ADAMTS12: variants seen among roughly 807,000 people sequenced by gnomAD.
ADAMTS12 encodes the protein ADAM metallopeptidase with thrombospondin type 1 motif 12.
ADAMTS12 carries 118 observed loss-of-function variants against 167.8 expected under a neutral mutation model. The ratio of observed to expected loss-of-function variants is 0.70; its 90% confidence interval spans 0.61 to 0.82. ADAMTS12 has a LOEUF of 0.82. Among genes scored for constraint, ADAMTS12 ranks in the 40% least tolerant of loss-of-function variants. The probability of loss-of-function intolerance (pLI) is 0.00; values close to 1 mark genes in which losing one functional copy is unlikely to be tolerated. For synonymous variants in ADAMTS12, 704 were observed against 716.9 expected (o/e 0.98, Z 0.29); for missense variants, 1,916 against 1,998.8 (o/e 0.96, Z 0.79).
At chr5:33,851,320 G>A (rs950936374) in intron 2 of ADAMTS12, among the ~76,000 whole-genome samples, 1 of 152,120 alleles carries the variant, frequency 6.6e-6, no homozygotes, top group African/African-American at 2.4e-5. Context: ...GCTGAGGCAG[G>A]AGAATGGCAT....
chr5:33,687,535 T>C (rs7719969), intron 3 of ADAMTS12, among the ~76,000 whole-genome samples: 85,668 of 152,164 alleles, frequency 0.56, 25,465 homozygotes, highest in Non-Finnish European at 0.67. Context: ...TGTGACGTGA[T>C]CCTTGACTTT....
intron 3 of ADAMTS12, among the ~76,000 whole-genome samples, chr5:33,706,735 C>T (rs1450560015): frequency 2.0e-5 from 3 of 152,122 alleles, no homozygotes; most frequent in African/African-American, 4.8e-5. Flanking sequence ...CAGAAAAGGC[C>T]TTCGATAAAA....
At chr5:33,870,334 T>A (rs1043522973) in intron 2 of ADAMTS12, among the ~76,000 whole-genome samples, 1 of 152,196 alleles carries the variant, frequency 6.6e-6, no homozygotes. Flanking sequence ...GTGATAAATG[T>A]CCATGAAATC....
In ADAMTS12 at chr5:33,734,891, A is replaced by G. The variant is rs542162106; in HGVS notation, c.634+16513T>C. The stretch of plus-strand genomic sequence containing the variant: ...GGGTCTGTAACTCTTTGGCTCTCAA[A>G]TTTCTAGACCAGCACTTCTGATTCC... On this transcript the variant is annotated intron_variant, in intron 3 of 23. Transcript: ENST00000504830. 2.0e-5 allele frequency among the ~76,000 whole-genome samples: 3 copies of G among 152,296 alleles called. No homozygotes were observed. The East Asian group carries it at 5.8e-4, about 29-fold the overall frequency.
At chr5:33,619,461 T>G (rs1032138515) in intron 14 of ADAMTS12, among the ~76,000 whole-genome samples, 3 of 152,150 alleles carry the variant, frequency 2.0e-5, no homozygotes, top group Admixed American at 6.5e-5. Context: ...GATTTTTTTC[T>G]CTTCAAGGAT....
At chr5:33,669,650 A>G (rs1741598932) in intron 5 of ADAMTS12, among the ~76,000 whole-genome samples, 1 of 152,188 alleles carries the variant, frequency 6.6e-6, no homozygotes, top group Admixed American at 6.5e-5. Flanking sequence ...CAGAAGGTGT[A>G]GTATTAAAAA....
chr5:33,666,637 C>T (rs536801294), intron 5 of ADAMTS12, among the ~76,000 whole-genome samples: 2 of 152,256 alleles, frequency 1.3e-5, no homozygotes, highest in Admixed American at 6.5e-5. Context: ...AGACTACAGG[C>T]ACGCACCACC....
chr5:33,590,586 C>A (rs1172184063), intron 17 of ADAMTS12, among the ~76,000 whole-genome samples: 2 of 152,186 alleles, frequency 1.3e-5, no homozygotes, highest in African/African-American at 4.8e-5. Context: ...TCAAATGAAC[C>A]TCCAATCTTG....
At chr5:33,544,920 TA>T (rs143566905) in intron 22 of ADAMTS12, among the ~76,000 whole-genome samples, 48,113 of 151,902 alleles carry the variant, frequency 0.32, 8,979 homozygotes, top group East Asian at 0.74. Context: ...GAAGAAAACC[TA>T]GGCAATACCA....
At chr5:33,880,137 G>A (rs769763609) in intron 2 of ADAMTS12, among the ~76,000 whole-genome samples, 2 of 152,172 alleles carry the variant, frequency 1.3e-5, no homozygotes, top group East Asian at 1.9e-4. Flanking sequence ...GAGATATAGC[G>A]TATAATGATA....
intron 17 of ADAMTS12, among the ~76,000 whole-genome samples, chr5:33,591,342 C>T (rs1226016150): frequency 6.6e-6 from 1 of 152,188 alleles, no homozygotes; most frequent in African/African-American, 2.4e-5. Context: ...CAGGACACGT[C>T]ACTCTTTCTA....
Position 33,549,246 on chromosome 5 carries a change from C to T in ADAMTS12, c.4263G>A (p.Pro1421=), listed in dbSNP as rs750706971. The T allele has an allele frequency of 1.2e-6, 2 of 1,614,144 alleles. No individual in the cohort carries two copies. The highest frequency in any genetic ancestry group is 1.7e-6 in the Non-Finnish European group (2 of 1,180,016). The change falls in exon 21 of 24, where the codon CCG becomes CCA. Residue 1421 remains proline (P), a synonymous_variant. Transcript: ENST00000504830. ...IPPPLSMSCN[P]EPCEAWQVEP... ...CCACCTGCCACGCCTCACAGGGCTC[C>T]GGGTTACAGCTCATGCTCAATGGGG...
intron 3 of ADAMTS12, among the ~76,000 whole-genome samples, chr5:33,714,962 C>A (rs1743550425): frequency 1.3e-5 from 2 of 151,938 alleles, no homozygotes; most frequent in African/African-American, 4.8e-5. Flanking sequence ...GAAACGTTCC[C>A]AAAATAAAGA....
intron 21 of ADAMTS12, 106 bp from the exon 22 acceptor site, chr5:33,546,308 G>A: frequency 1.9e-6 from 2 of 1,051,050 alleles, no homozygotes; most frequent in Non-Finnish European, 2.6e-6. Context: ...GTGTTACTAG[G>A]AATATTGGTA....
intron 2 of ADAMTS12, among the ~76,000 whole-genome samples, chr5:33,815,797 C>T (rs1747631322): frequency 1.3e-5 from 2 of 152,200 alleles, no homozygotes; most frequent in African/African-American, 4.8e-5. Context: ...TCCATCTCCT[C>T]TAACTATCCA....
At chr5:33,715,292 T>C (rs1743562530) in intron 3 of ADAMTS12, among the ~76,000 whole-genome samples, 1 of 152,040 alleles carries the variant, frequency 6.6e-6, no homozygotes, top group South Asian at 2.1e-4. Context: ...GGGAAATCAG[T>C]ATGTCTCTAT....
At chr5:33,771,203 C>T (rs1486936649) in intron 2 of ADAMTS12, among the ~76,000 whole-genome samples, 1 of 152,152 alleles carries the variant, frequency 6.6e-6, no homozygotes, top group Non-Finnish European at 1.5e-5. Context: ...CAACAAATGT[C>T]TGTTTAGTGA....
At chr5:33,665,604 A>G (rs1290762998) in intron 5 of ADAMTS12, among the ~76,000 whole-genome samples, 1 of 152,214 alleles carries the variant, frequency 6.6e-6, no homozygotes, top group Non-Finnish European at 1.5e-5. Context: ...AGCAACAGCC[A>G]AGAATTACAC....
chr5:33,700,497 A>T (rs1742959585), intron 3 of ADAMTS12, among the ~76,000 whole-genome samples: 1 of 152,198 alleles, frequency 6.6e-6, no homozygotes, highest in Non-Finnish European at 1.5e-5. Context: ...ATTTTAGGAC[A>T]GATTAGTGGT....
Sources: gnomAD v4.1 joint callset for allele counts (sites outside exome capture counted in the v4.1 genomes callset) on GRCh38, gnomAD v4.1.1 for gene constraint, MANE v1.5 for transcripts, NCBI Gene and HGNC (gene_info 2026-07-23, HGNC 2026-07-21) for gene names.